STK32B: variants seen among roughly 807,000 people sequenced by gnomAD.
STK32B encodes serine/threonine kinase 32B.
In STK32B, 43 loss-of-function variants were observed where a neutral mutation model predicts 52.6. The ratio of observed to expected loss-of-function variants is 0.82; its 90% CI spans 0.64 to 1.05. The LOEUF (loss-of-function observed/expected upper bound fraction) is 1.05, where lower values mean the gene tolerates loss of function less well. STK32B is among the 50% of genes least tolerant of loss of function. The pLI is 0.00. For missense variants in STK32B, 621 were observed against 534.6 expected, an observed-to-expected ratio of 1.16 and a Z score of -1.59; for synonymous variants, 238 against 204.3, an observed-to-expected ratio of 1.17 and a Z score of -1.41.
At chr4:5,318,656 T>G (rs1383951413) in intron 3 of STK32B, among the ~76,000 whole-genome samples, 1 of 151,926 alleles carries the variant, frequency 6.6e-6, no homozygotes, top group Admixed American at 6.6e-5. Context: ...GGGAACAGCA[T>G]AAGAAAAGGT....
Position 5,468,308 on chromosome 4 carries a change from T to C in STK32B, c.1106+238T>C, listed in dbSNP as rs527849877. 3.5e-3 allele frequency among the ~76,000 whole-genome samples: 527 copies of C among 152,256 alleles called. 3 individuals are homozygous for C. The highest frequency in any genetic ancestry group is 0.012 in the African/African-American group (515 of 41,566). Reference sequence around the variant, plus strand: ...CAGTCTCTGGGAGCTCCCATGAGAATGGGGAGGCTGCAGCAGCCCTGAGCG... The same window carrying C: ...CAGTCTCTGGGAGCTCCCATGAGAACGGGGAGGCTGCAGCAGCCCTGAGCG... On this transcript the variant is annotated intron_variant, in intron 11 of 11. Coordinates refer to ENST00000282908, the MANE Select transcript of STK32B (RefSeq NM_018401.3).
chr4:5,455,306 A>G (rs3821929), intron 7 of STK32B, among the ~76,000 whole-genome samples: 8,607 of 152,306 alleles, frequency 0.057, 458 homozygotes, highest in African/African-American at 0.14. Context: ...TAAGTGCCGC[A>G]GTGTTACCCA....
intron 3 of STK32B, among the ~76,000 whole-genome samples, chr4:5,313,214 G>C (rs1730431108): frequency 6.6e-6 from 1 of 151,644 alleles, no homozygotes; most frequent in South Asian, 2.1e-4. Flanking sequence ...CTATAGACTT[G>C]CAACACTAGT....
At chr4:5,060,760 A>G (rs1020517173) in intron 1 of STK32B, among the ~76,000 whole-genome samples, 1 of 152,106 alleles carries the variant, frequency 6.6e-6, no homozygotes, top group African/African-American at 2.4e-5. Context: ...GACTTTACTT[A>G]TGAGTGAGTC....
At chr4:5,388,226 A>G (rs1736383316) in intron 4 of STK32B, among the ~76,000 whole-genome samples, 1 of 152,218 alleles carries the variant, frequency 6.6e-6, no homozygotes, top group African/African-American at 2.4e-5. Flanking sequence ...ACAAATGGTC[A>G]TCATCATTTT....
intron 1 of STK32B, among the ~76,000 whole-genome samples, chr4:5,122,026 A>G (rs943039641): frequency 9.9e-5 from 15 of 152,232 alleles, no homozygotes; most frequent in Admixed American, 5.2e-4. Flanking sequence ...GTGTCCACCC[A>G]TTCACTCACT....
intron 4 of STK32B, among the ~76,000 whole-genome samples, chr4:5,373,641 A>C (rs1735393713): frequency 6.6e-6 from 1 of 152,140 alleles, no homozygotes; most frequent in Non-Finnish European, 1.5e-5. Context: ...ATAGCAGCCC[A>C]CACACCTTTG....
intron 2 of STK32B, among the ~76,000 whole-genome samples, chr4:5,158,225 C>T (rs970567251): frequency 6.6e-6 from 1 of 152,154 alleles, no homozygotes; most frequent in African/African-American, 2.4e-5. Context: ...GCCAAGTGTT[C>T]TCAGGCCCTT....
chr4:5,393,324 A>G (rs954284946), intron 4 of STK32B, among the ~76,000 whole-genome samples: 2 of 152,184 alleles, frequency 1.3e-5, no homozygotes, highest in African/African-American at 4.8e-5. Flanking sequence ...GAACCATCTC[A>G]TCCAATCCTC....
intron 4 of STK32B, among the ~76,000 whole-genome samples, chr4:5,379,927 T>A (rs865827116): frequency 1.3e-5 from 2 of 152,214 alleles, no homozygotes; most frequent in South Asian, 4.1e-4. Context: ...TGCTTTGGGA[T>A]CACCTTAGCG....
At chr4:5,099,405 G>A (rs957422801) in intron 1 of STK32B, among the ~76,000 whole-genome samples, 30 of 150,980 alleles carry the variant, frequency 2.0e-4, no homozygotes, top group Admixed American at 6.6e-4. Flanking sequence ...GAATTGAAGT[G>A]TCTACCAGCA....
chr4:5,167,149 T>G (rs78561060), intron 2 of STK32B, among the ~76,000 whole-genome samples: 5,387 of 152,228 alleles, frequency 0.035, 326 homozygotes, highest in African/African-American at 0.12. Context: ...CCCCTGGTTT[T>G]GATCCTGCGG....
At chr4:5,312,783 G>A (rs867969902) in intron 3 of STK32B, among the ~76,000 whole-genome samples, 13 of 151,974 alleles carry the variant, frequency 8.6e-5, no homozygotes, top group Middle Eastern at 3.4e-3. Context: ...ATGATTTATA[G>A]TCCTTTGGGT....
chr4:5,157,915 C>A (rs1262030164), intron 2 of STK32B, among the ~76,000 whole-genome samples: 1 of 152,122 alleles, frequency 6.6e-6, no homozygotes, highest in Non-Finnish European at 1.5e-5. Flanking sequence ...TTACTAGAAG[C>A]CTTCATTGTT....
At chr4:5,372,953 T>A (rs1339508947) in intron 4 of STK32B, among the ~76,000 whole-genome samples, 2 of 152,194 alleles carry the variant, frequency 1.3e-5, no homozygotes, top group East Asian at 1.9e-4. Flanking sequence ...TTTCATTCAT[T>A]TGAAGTCAAT....
At chr4:5,340,475 G>T (rs79244930) in intron 4 of STK32B, among the ~76,000 whole-genome samples, 2,169 of 152,318 alleles carry the variant, frequency 0.014, 42 homozygotes, top group African/African-American at 0.047. Flanking sequence ...TATTGCAAGG[G>T]TCAAGGGTGG....
chr4:5,486,571 G>C (rs778707507), intron 11 of STK32B, among the ~76,000 whole-genome samples: 1 of 152,188 alleles, frequency 6.6e-6, no homozygotes, highest in Non-Finnish European at 1.5e-5. Flanking sequence ...GCTCACGCTC[G>C]GTGCGCTGCA....
intron 5 of STK32B, among the ~76,000 whole-genome samples, chr4:5,414,253 TATATG>T (rs1215906768): frequency 6.6e-6 from 1 of 151,980 alleles, no homozygotes; most frequent in Non-Finnish European, 1.5e-5. Context: ...TTAAATAACA[TATATG>T]ATAATAATAT....
chr4:5,260,368 G>A (rs571821913), intron 3 of STK32B, among the ~76,000 whole-genome samples: 26 of 152,276 alleles, frequency 1.7e-4, no homozygotes, highest in African/African-American at 6.3e-4. Flanking sequence ...TTGAGATGGG[G>A]CCAGAAGGAG....
Sources: gnomAD v4.1 joint callset for allele counts (sites outside exome capture counted in the v4.1 genomes callset) on GRCh38, gnomAD v4.1.1 for gene constraint, MANE v1.5 for transcripts, NCBI Gene and HGNC (gene_info 2026-07-23, HGNC 2026-07-21) for gene names.